The following CNTN1 variants were observed in gnomAD, a reference collection of about 807,000 sequenced individuals.
CNTN1 encodes contactin-1.
A neutral mutation model predicts 126.4 loss-of-function variants in CNTN1; 38 were observed. The observed-to-expected ratio is 0.30, with a 90% CI of 0.23 to 0.39. The LOEUF (loss-of-function observed/expected upper bound fraction) is 0.39, where lower values mean the gene tolerates loss of function less well. Among genes scored for constraint, CNTN1 ranks in the 10% least tolerant of loss-of-function variants. The pLI is 1.00. For missense variants in CNTN1, 1,009 were observed against 1,248.4 expected, an observed-to-expected ratio of 0.81 and a Z score of 2.89; for synonymous variants, 413 against 422.6, an observed-to-expected ratio of 0.98 and a Z score of 0.28.
chr12:40,773,605 A>T (rs1455501784), intron 1 of CNTN1, among the ~76,000 whole-genome samples: 4 of 146,710 alleles, frequency 2.7e-5, no homozygotes, highest in African/African-American at 1.0e-4. Context: ...ACTTTAAACA[A>T]TGTTTTTCTG....
At chr12:41,069,902 G>T in intron 23 of CNTN1, 57 bp from the exon 24 acceptor site, 2 of 1,402,460 alleles carry the variant, frequency 1.4e-6, no homozygotes, top group South Asian at 1.2e-5. Flanking sequence ...CAGACTAAAT[G>T]AGCAATAGTG....
At chr12:40,849,333 T>C (rs2136611287) in intron 1 of CNTN1, among the ~76,000 whole-genome samples, 1 of 152,246 alleles carries the variant, frequency 6.6e-6, no homozygotes, top group Non-Finnish European at 1.5e-5. Flanking sequence ...GGTGATTTTA[T>C]TTGATTAATA....
At chr12:41,017,597 T>C (rs901429718) in intron 19 of CNTN1, among the ~76,000 whole-genome samples, 1 of 152,062 alleles carries the variant, frequency 6.6e-6, no homozygotes, top group Non-Finnish European at 1.5e-5. Context: ...AAATTTGTCC[T>C]GTAGGGCATT....
intron 23 of CNTN1, among the ~76,000 whole-genome samples, chr12:41,056,887 ATAT>A (rs991714642): frequency 2.3e-5 from 3 of 131,748 alleles, no homozygotes; most frequent in Admixed American, 1.9e-4. Flanking sequence ...ATATTTATAA[ATAT>A]TATATTTAGA....
chr12:40,917,894 T>C (rs1945301182), intron 3 of CNTN1, among the ~76,000 whole-genome samples: 1 of 152,158 alleles, frequency 6.6e-6, no homozygotes, highest in Non-Finnish European at 1.5e-5. Context: ...AATATCCGTG[T>C]AATTTATTGA....
chr12:40,797,530 G>T (rs1940484567), intron 1 of CNTN1, among the ~76,000 whole-genome samples: 1 of 151,988 alleles, frequency 6.6e-6, no homozygotes, highest in African/African-American at 2.4e-5. Flanking sequence ...GGCTAGTGAT[G>T]ATACAGGACC....
chr12:40,694,715 G>A (rs1331430076), intron 1 of CNTN1, among the ~76,000 whole-genome samples: 3 of 152,156 alleles, frequency 2.0e-5, no homozygotes, highest in African/African-American at 7.2e-5. Flanking sequence ...AATCTACCAA[G>A]TTACCATCAT....
At chr12:40,701,063 C>T (rs1291403574) in intron 1 of CNTN1, among the ~76,000 whole-genome samples, 3 of 152,208 alleles carry the variant, frequency 2.0e-5, no homozygotes, top group Non-Finnish European at 4.4e-5. Flanking sequence ...TCAGCACCAA[C>T]CCCCAGTGCT....
At chr12:40,732,700 G>A (rs1474380384) in intron 1 of CNTN1, among the ~76,000 whole-genome samples, 1 of 152,054 alleles carries the variant, frequency 6.6e-6, no homozygotes, top group Non-Finnish European at 1.5e-5. Context: ...AAGCACTGAA[G>A]TGTTAATGAT....
intron 1 of CNTN1, among the ~76,000 whole-genome samples, chr12:40,846,182 T>C (rs1592151627): frequency 6.6e-6 from 1 of 151,840 alleles, no homozygotes; most frequent in East Asian, 1.9e-4. Flanking sequence ...ATGGCAGGGA[T>C]TGGGGTGAGG....
rs137969336 is a variant in CNTN1, at chr12:40,729,209, G to A, written c.-77+36617G>A. On this transcript the variant is annotated intron_variant, in intron 1 of 23. Coordinates refer to ENST00000551295, the MANE Select transcript of CNTN1 (RefSeq NM_001843.4). Reference sequence around the variant, plus strand: ...TTTTTCTGATCTGAAGATCAAAAGGGATGCGACTTGTATCTAAGCTGCTAG... The same window carrying A: ...TTTTTCTGATCTGAAGATCAAAAGGAATGCGACTTGTATCTAAGCTGCTAG... The A allele has an allele frequency of 8.7e-4, 171 of 197,390 alleles. 3 individuals carry two copies. In the East Asian group the frequency reaches 0.015, roughly 17 times the overall value. 12.2% of individuals were successfully genotyped at this position (197,390 alleles called of 1,614,324 possible).
chr12:41,032,184 C>T lies in CNTN1; in HGVS notation c.2980+2965C>T, dbSNP rs1018762988. Among the ~76,000 whole-genome samples, 24 of 151,778 alleles carry T rather than the reference C, an allele frequency of 1.6e-4. 1 individual carries two copies. The Middle Eastern group carries it at 0.01, about 65-fold the overall frequency. On this transcript the variant is annotated intron_variant, in intron 23 of 23. Coordinates refer to ENST00000551295, the MANE Select transcript of CNTN1 (RefSeq NM_001843.4). The stretch of plus-strand genomic sequence containing the variant: ...GATCCTCTTGCCTCCCAGTGTTGGC[C>T]TCTCAAGGCCTATTATCTATGCAAT...
intron 9 of CNTN1, among the ~76,000 whole-genome samples, chr12:40,934,630 C>T (rs954945065): frequency 2.0e-5 from 3 of 151,784 alleles, no homozygotes; most frequent in Admixed American, 6.6e-5. Flanking sequence ...CAATATTATT[C>T]GTTTTTAACT....
rs112605326 is a variant in CNTN1, at chr12:41,053,927, A to G, written c.2981-16032A>G. On this transcript the variant is annotated intron_variant, in intron 23 of 23. Coordinates refer to ENST00000551295, the MANE Select transcript of CNTN1 (RefSeq NM_001843.4). ...TCTTGTTCTTTCATTCTTTAAAAAT[A>G]TATATTGTATGCCAGCTCTTAATTG... Among the ~76,000 whole-genome samples the G allele has an allele frequency of 3.1e-3, 474 of 151,952 alleles. 7 individuals are homozygous for G. Among genetic ancestry groups the G allele is most frequent in the African/African-American group, 0.011 (451 of 41,544 alleles).
At chr12:40,854,132 A>G (rs1674744563) in intron 1 of CNTN1, among the ~76,000 whole-genome samples, 1 of 151,638 alleles carries the variant, frequency 6.6e-6, no homozygotes. Flanking sequence ...ATAAGTAAAT[A>G]GACAGGCTGA....
chr12:40,893,175 T>C (rs968076224), intron 1 of CNTN1, among the ~76,000 whole-genome samples: 13 of 152,066 alleles, frequency 8.5e-5, no homozygotes, highest in African/African-American at 3.1e-4. Context: ...CCTAACTAGG[T>C]AGATAATTAT....
chr12:40,835,710 AT>A (rs998640812), intron 1 of CNTN1, among the ~76,000 whole-genome samples: 5 of 151,232 alleles, frequency 3.3e-5, no homozygotes, highest in African/African-American at 1.2e-4. Context: ...TTTCAAGTGA[AT>A]TTTTTTTAGC....
At chr12:40,801,271 C>T (rs552670598) in intron 1 of CNTN1, among the ~76,000 whole-genome samples, 2 of 151,974 alleles carry the variant, frequency 1.3e-5, no homozygotes, top group African/African-American at 4.8e-5. Context: ...TTCATTTATC[C>T]ATGCACTCAG....
chr12:40,916,526 G>T (rs1945251866), intron 3 of CNTN1, among the ~76,000 whole-genome samples: 1 of 151,940 alleles, frequency 6.6e-6, no homozygotes, highest in African/African-American at 2.4e-5. Context: ...TTTTTTCCCT[G>T]CTGTGCTGTT....
Sources: gnomAD v4.1 joint callset for allele counts (sites outside exome capture counted in the v4.1 genomes callset) on GRCh38, gnomAD v4.1.1 for gene constraint, MANE v1.5 for transcripts, NCBI Gene and HGNC (gene_info 2026-07-23, HGNC 2026-07-21) for gene names.